PRKN: variants seen among roughly 807,000 people sequenced by gnomAD.
PRKN encodes the protein parkin RBR E3 ubiquitin protein ligase, also known as E3 ubiquitin-protein ligase parkin.
Under a neutral mutation model 59.5 loss-of-function variants are expected in PRKN, and 56 were observed. The ratio of observed to expected loss-of-function variants is 0.94; its 90% CI spans 0.76 to 1.18. The LOEUF (loss-of-function observed/expected upper bound fraction) is 1.18. PRKN is among the 50% of genes most tolerant of loss of function. The pLI, the probability that PRKN is intolerant of heterozygous loss-of-function variation, is 0.00. For missense variants in PRKN, 657 were observed against 596.4 expected (o/e 1.10, Z -1.06); for synonymous variants, 250 against 222.1 (o/e 1.13, Z -1.12).
intron 6 of PRKN, among the ~76,000 whole-genome samples, chr6:161,901,551 A>C (rs1777916548): frequency 6.6e-6 from 1 of 151,944 alleles, no homozygotes; most frequent in African/African-American, 2.4e-5. Context: ...CAAATATTCC[A>C]CTCCACTCTG....
chr6:161,919,745 A>G (rs1291008373), intron 6 of PRKN, among the ~76,000 whole-genome samples: 1 of 152,224 alleles, frequency 6.6e-6, no homozygotes, highest in Non-Finnish European at 1.5e-5. Context: ...CTCACAGTGA[A>G]AAGTGCTGGG....
intron 7 of PRKN, among the ~76,000 whole-genome samples, chr6:161,774,436 C>T (rs971406555): frequency 1.2e-4 from 17 of 144,866 alleles, no homozygotes; most frequent in African/African-American, 3.6e-4. Context: ...ACACACACGG[C>T]GTGGCTAGGC....
At position 161,547,063 on chromosome 6, in the gene PRKN, C is replaced by T. The variant is rs140362187; in HGVS notation, c.1083+1791G>A. On this transcript the variant is annotated intron_variant, in intron 9 of 11. Transcript: ENST00000366898. This position sits in a 1 kb window ranked among gnomAD's most constrained non-coding sequence, Gnocchi z 4.0. Reference sequence around the variant, plus strand: ...CAGAACTACCCAGCAAAGCCACTCACGGGTGATTCCTGACTCTCAGAAACT... The same window carrying T: ...CAGAACTACCCAGCAAAGCCACTCATGGGTGATTCCTGACTCTCAGAAACT... 8.6e-3 allele frequency among the ~76,000 whole-genome samples: 1,306 copies of T among 152,218 alleles called. 22 individuals are homozygous for T. The highest frequency in any genetic ancestry group is 0.03 in the African/African-American group (1,252 of 41,524).
intron 7 of PRKN, chr6:161,716,038 G>A (rs772615871): frequency 1.1e-5 from 13 of 1,200,000 alleles, no homozygotes; most frequent in African/African-American, 8.5e-5. Flanking sequence ...ATCTGGTTTA[G>A]CGACACAGCC....
At chr6:162,206,802 A>C (rs1214263792) in intron 3 of PRKN, among the ~76,000 whole-genome samples, 7 of 152,156 alleles carry the variant, frequency 4.6e-5, no homozygotes, top group Non-Finnish European at 1.0e-4. Context: ...GGCCTTCAGC[A>C]GGGCTTGACC....
chr6:161,932,850 T>G (rs953788070), intron 6 of PRKN, among the ~76,000 whole-genome samples: 1 of 151,938 alleles, frequency 6.6e-6, no homozygotes, highest in African/African-American at 2.4e-5. Flanking sequence ...CAAAGACTGG[T>G]TTTTGAATAA....
At chr6:162,194,281 A>G (rs1172279354) in intron 4 of PRKN, among the ~76,000 whole-genome samples, 2 of 152,272 alleles carry the variant, frequency 1.3e-5, no homozygotes, top group African/African-American at 2.4e-5. Context: ...ATAATCAAAT[A>G]CAGAATACAA....
intron 2 of PRKN, among the ~76,000 whole-genome samples, chr6:162,409,954 T>C (rs1788269605): frequency 1.3e-5 from 2 of 152,218 alleles, no homozygotes; most frequent in South Asian, 2.1e-4. Flanking sequence ...AGAAATAAGA[T>C]AAGCTGATTT....
At chr6:162,191,818 G>A (rs1784288123) in intron 4 of PRKN, among the ~76,000 whole-genome samples, 2 of 152,142 alleles carry the variant, frequency 1.3e-5, no homozygotes, top group South Asian at 4.1e-4. Context: ...CAGAATTGAT[G>A]CCTTGATGCT....
At chr6:162,334,875 C>G (rs1035823421) in intron 2 of PRKN, among the ~76,000 whole-genome samples, 2 of 152,156 alleles carry the variant, frequency 1.3e-5, no homozygotes, top group Non-Finnish European at 2.9e-5. Context: ...CTTTCAATGA[C>G]TTACTCCTCA....
At position 161,499,907 on chromosome 6, in the gene PRKN, C is replaced by T. The variant is rs1348076773; in HGVS notation, c.1083+48947G>A. 6.6e-6 allele frequency among the ~76,000 whole-genome samples: 1 copy of T among 151,988 alleles called. No homozygotes were observed. The highest frequency in any genetic ancestry group is 2.4e-5 in the African/African-American group (1 of 41,384). On this transcript the variant is annotated intron_variant, in intron 9 of 11. Coordinates refer to ENST00000366898, the MANE Select transcript of PRKN (RefSeq NM_004562.3). This position sits in a 1 kb window ranked among gnomAD's most constrained non-coding sequence, Gnocchi z 4.2. ...AATAATACAATGAATTATTTGAAAC[C>T]GCAGCTGTTCCCAAGATTACAGATA...
At chr6:161,641,928 CA>C (rs1289748208) in intron 7 of PRKN, among the ~76,000 whole-genome samples, 1 of 152,196 alleles carries the variant, frequency 6.6e-6, no homozygotes, top group African/African-American at 2.4e-5. Flanking sequence ...CATTTCCCAA[CA>C]ATGTTGAAGT....
At position 161,414,783 on chromosome 6, in the gene PRKN, G is replaced by A. The variant is rs928119647; in HGVS notation, c.1084-27906C>T. Reference sequence around the variant, plus strand: ...CCAGAGGAGGGTCTCCGCAGGCAGGGCAGCCGCTGAACAGCACCGGGAGGG... The same window carrying A: ...CCAGAGGAGGGTCTCCGCAGGCAGGACAGCCGCTGAACAGCACCGGGAGGG... On this transcript the variant is annotated intron_variant, in intron 9 of 11. Transcript: ENST00000366898. The surrounding 1 kb of genome is among the most constrained non-coding windows in gnomAD (Gnocchi z 5.3). Among the ~76,000 whole-genome samples, 7 of 152,188 alleles carry A rather than the reference G, an allele frequency of 4.6e-5. No individual in the cohort carries two copies. Among genetic ancestry groups the A allele is most frequent in the African/African-American group, 1.4e-4 (6 of 41,430 alleles).
intron 5 of PRKN, among the ~76,000 whole-genome samples, chr6:161,976,613 T>A (rs892069924): frequency 6.6e-6 from 1 of 152,172 alleles, no homozygotes; most frequent in Non-Finnish European, 1.5e-5. Context: ...AGCTCAAGGG[T>A]ATTGAGAAAG....
intron 7 of PRKN, among the ~76,000 whole-genome samples, chr6:161,638,138 G>GTT (rs201712962): frequency 2.2e-4 from 32 of 147,096 alleles, no homozygotes; most frequent in African/African-American, 6.9e-4. Context: ...TTCACCCCTG[G>GTT]TTTTTTTTTT....
chr6:162,061,605 A>G (rs1778108000), intron 4 of PRKN, among the ~76,000 whole-genome samples: 1 of 152,132 alleles, frequency 6.6e-6, no homozygotes, highest in Non-Finnish European at 1.5e-5. Context: ...CTGAGCATCC[A>G]TCTTCCTTCA....
At chr6:162,082,673 CTTTGA>C (rs1779103377) in intron 4 of PRKN, among the ~76,000 whole-genome samples, 1 of 152,050 alleles carries the variant, frequency 6.6e-6, no homozygotes, top group South Asian at 2.1e-4. Context: ...TCATCTCTAG[CTTTGA>C]TTTAAGTGAG....
intron 9 of PRKN, among the ~76,000 whole-genome samples, chr6:161,426,329 T>C (rs1397676435): frequency 1.3e-5 from 2 of 152,076 alleles, no homozygotes; most frequent in Non-Finnish European, 2.9e-5. Context: ...TGTGAGGGTG[T>C]TGTCAAAGGA....
chr6:162,109,822 C>T (rs939952081), intron 4 of PRKN, among the ~76,000 whole-genome samples: 1 of 152,176 alleles, frequency 6.6e-6, no homozygotes, highest in East Asian at 1.9e-4. Context: ...ATGAGTCAAA[C>T]TGTTTCCTGG....
Sources: allele counts gnomAD v4.1 joint callset (sites outside exome capture counted in the v4.1 genomes callset), GRCh38; gene constraint gnomAD v4.1.1; non-coding constraint Gnocchi (gnomAD v3.1); transcripts MANE v1.5; gene names NCBI Gene and HGNC (gene_info 2026-07-23, HGNC 2026-07-21).